The following PPM1L variants were observed in gnomAD, a reference collection of about 807,000 sequenced individuals.
The protein encoded by PPM1L is protein phosphatase 1L.
A neutral mutation model predicts 31.4 loss-of-function variants in PPM1L; 13 were observed. The observed-to-expected ratio is 0.41, with a 90% CI of 0.27 to 0.66. The LOEUF is 0.66. Among genes scored for constraint, PPM1L ranks in the 30% least tolerant of loss-of-function variants. The pLI, the probability that PPM1L is intolerant of heterozygous loss-of-function variation, is 0.29. For missense variants in PPM1L, 326 were observed against 453.7 expected (o/e 0.72, Z 2.56); for synonymous variants, 184 against 175.4 (o/e 1.05, Z -0.39).
chr3:161,010,884 A>G (rs1449277597), intron 2 of PPM1L, among the ~76,000 whole-genome samples: 2 of 150,482 alleles, frequency 1.3e-5, no homozygotes, highest in Non-Finnish European at 3.0e-5. Flanking sequence ...TTATTCTTGC[A>G]AATTTGAGTT....
chr3:160,882,225 A>G (rs1468752031), intron 1 of PPM1L: 1 of 152,186 alleles, frequency 6.6e-6, no homozygotes, highest in Non-Finnish European at 1.5e-5. Flanking sequence ...TTCTTCTGCA[A>G]TTATTTATTA....
At chr3:161,049,039 C>G (rs929995132) in intron 2 of PPM1L, among the ~76,000 whole-genome samples, 5 of 151,220 alleles carry the variant, frequency 3.3e-5, no homozygotes, top group African/African-American at 1.2e-4. Context: ...TGTAACACAC[C>G]TGCAGGTTGT....
chr3:160,850,961 A>G (rs777146518), intron 1 of PPM1L, among the ~76,000 whole-genome samples: 8 of 151,198 alleles, frequency 5.3e-5, no homozygotes, highest in Non-Finnish European at 1.2e-4. Flanking sequence ...TCAGAGAGTA[A>G]TCCCCCCACC....
intron 1 of PPM1L, among the ~76,000 whole-genome samples, chr3:160,884,967 G>A (rs1413558488): frequency 1.3e-5 from 2 of 152,144 alleles, no homozygotes; most frequent in African/African-American, 4.8e-5. Flanking sequence ...CTCAAAAGAT[G>A]TTCTCTTCTT....
intron 1 of PPM1L, among the ~76,000 whole-genome samples, chr3:160,843,590 A>C (rs563194632): frequency 6.6e-6 from 1 of 151,130 alleles, no homozygotes; most frequent in Non-Finnish European, 1.5e-5. Flanking sequence ...TACATTAGGT[A>C]TATCTCCTAA....
At chr3:161,050,510 C>T (rs1719240007) in intron 2 of PPM1L, among the ~76,000 whole-genome samples, 1 of 151,924 alleles carries the variant, frequency 6.6e-6, no homozygotes, top group Non-Finnish European at 1.5e-5. Flanking sequence ...CTTCTAATAT[C>T]TTTGGCATAT....
chr3:160,898,514 C>A (rs1452373265), intron 1 of PPM1L, among the ~76,000 whole-genome samples: 1 of 152,244 alleles, frequency 6.6e-6, no homozygotes, highest in East Asian at 1.9e-4. Flanking sequence ...AGTTATCCAA[C>A]AAGATAACCT....
At chr3:161,010,185 A>C (rs1411811102) in intron 2 of PPM1L, among the ~76,000 whole-genome samples, 1 of 151,606 alleles carries the variant, frequency 6.6e-6, no homozygotes, top group Non-Finnish European at 1.5e-5. Flanking sequence ...CCAATGTGTG[A>C]TGTTCCCCTT....
chr3:160,871,724 CT>C (rs899511428), intron 1 of PPM1L, among the ~76,000 whole-genome samples: 21 of 151,476 alleles, frequency 1.4e-4, no homozygotes, highest in African/African-American at 4.8e-4. Flanking sequence ...GTATTATGGA[CT>C]TGTTTCCCTC....
chr3:160,766,107 A>G (rs1715094813), intron 1 of PPM1L, among the ~76,000 whole-genome samples: 1 of 152,186 alleles, frequency 6.6e-6, no homozygotes. Flanking sequence ...CAAAATAGTT[A>G]TTGTAATGAT....
intron 2 of PPM1L, among the ~76,000 whole-genome samples, chr3:161,009,758 A>G (rs566319824): frequency 1.3e-5 from 2 of 152,244 alleles, no homozygotes; most frequent in African/African-American, 4.8e-5. Context: ...CTAGGAAGTG[A>G]TAAAAGCAAA....
intron 1 of PPM1L, among the ~76,000 whole-genome samples, chr3:160,763,773 C>T (rs1715031119): frequency 6.6e-6 from 1 of 151,956 alleles, no homozygotes; most frequent in African/African-American, 2.4e-5. Context: ...GGGAGAGGGT[C>T]AATTGGGAAG....
At chr3:160,769,923 G>A (rs988907522) in intron 1 of PPM1L, among the ~76,000 whole-genome samples, 1 of 152,216 alleles carries the variant, frequency 6.6e-6, no homozygotes, top group African/African-American at 2.4e-5. Flanking sequence ...ACAGTGAGAA[G>A]AGAGTGTAAA....
intron 2 of PPM1L, among the ~76,000 whole-genome samples, chr3:161,006,238 A>C (rs1230118933): frequency 6.6e-6 from 1 of 152,262 alleles, no homozygotes; most frequent in East Asian, 1.9e-4. Flanking sequence ...TGCTGAGTGA[A>C]ATAAGCTAGA....
chr3:160,808,415 GT>G (rs1712702128), intron 1 of PPM1L, among the ~76,000 whole-genome samples: 2 of 149,832 alleles, frequency 1.3e-5, no homozygotes, highest in African/African-American at 2.5e-5. Context: ...GTGTGTGTGT[GT>G]GTGTGTGGTG....
Position 160,979,355 on chromosome 3 carries a change from T to A in PPM1L, c.574+17445T>A, listed in dbSNP as rs114526803. On this transcript the variant is annotated intron_variant, in intron 2 of 3. Transcript: ENST00000498165. ...ACAGGACACCATCTCATCCCCATGG[T>A]GCACTCACACACACCCACTCAGACT... Among the ~76,000 whole-genome samples the A allele has an allele frequency of 2.8e-3, 428 of 152,068 alleles. 4 individuals carry two copies. Among genetic ancestry groups the A allele is most frequent in the African/African-American group, 7.8e-3 (324 of 41,528 alleles).
In PPM1L at chr3:160,777,628, A is replaced by G. The variant is rs191515622; in HGVS notation, c.399+20921A>G. ...TCATTCAGTATGTGTCTTTTTTGTG[A>G]CTGGATTATTTCACTTGGTATAATG... On this transcript the variant is annotated intron_variant, in intron 1 of 3. Transcript: ENST00000498165. 3.5e-3 allele frequency among the ~76,000 whole-genome samples: 526 copies of G among 152,154 alleles called. 3 individuals are homozygous for G. The highest frequency in any genetic ancestry group is 0.012 in the African/African-American group (498 of 41,522).
At chr3:160,770,147 CTTTCT>C (rs141003472) in intron 1 of PPM1L, among the ~76,000 whole-genome samples, 2,566 of 152,226 alleles carry the variant, frequency 0.017, 65 homozygotes, top group African/African-American at 0.057. Flanking sequence ...TCTCTCTCTA[CTTTCT>C]TTTCTTTTCT....
intron 2 of PPM1L, among the ~76,000 whole-genome samples, chr3:160,974,562 T>C (rs988729438): frequency 1.3e-4 from 20 of 151,952 alleles, no homozygotes; most frequent in Admixed American, 1.2e-3. Context: ...ATGATTGCCA[T>C]TGTAACTGGT....
Sources: gnomAD v4.1 joint callset for allele counts (sites outside exome capture counted in the v4.1 genomes callset) on GRCh38, gnomAD v4.1.1 for gene constraint, MANE v1.5 for transcripts, NCBI Gene and HGNC (gene_info 2026-07-23, HGNC 2026-07-21) for gene names.